ELMO2: variants seen among roughly 807,000 people sequenced by gnomAD.
ELMO2 encodes the protein engulfment and cell motility protein 2.
ELMO2 carries 37 observed loss-of-function variants against 96.2 expected under a neutral mutation model. That is an observed-to-expected ratio of 0.38 (90% CI 0.30 to 0.51). ELMO2 has a LOEUF of 0.51. ELMO2 is among the 20% of genes least tolerant of loss of function. The pLI is 0.88. For missense variants in ELMO2, 561 were observed against 912.6 expected (o/e 0.61, Z 4.96); for synonymous variants, 315 against 329.4 (o/e 0.96, Z 0.47).
In ELMO2 at chr20:46,374,210, G is replaced by C. The variant is rs920812401; in HGVS notation, c.1279+122C>G. Reference sequence around the variant, plus strand: ...TCCTGCCTCAGTCTCCCAAAGTGCTGAGATTACAGGTGTGAACCACCACGC... The same window carrying C: ...TCCTGCCTCAGTCTCCCAAAGTGCTCAGATTACAGGTGTGAACCACCACGC... On this transcript the variant is annotated intron_variant, in intron 15 of 21. Coordinates refer to ENST00000290246, the MANE Select transcript of ELMO2 (RefSeq NM_133171.5). 21 of 655,574 alleles carry C rather than the reference G, an allele frequency of 3.2e-5. No homozygotes were observed. In the African/African-American group the frequency reaches 3.5e-4, roughly 11 times the overall value. 40.6% of individuals were successfully genotyped at this position (655,574 alleles called of 1,614,324 possible). A position where few individuals can be genotyped will look rare whatever the true frequency, so the allele number is the denominator to read the frequency against.
rs1433907729 is a variant in ELMO2, at chr20:46,371,951, C to G, written c.1435G>C (p.Glu479Gln). 3 of 1,613,942 alleles carry G rather than the reference C, an allele frequency of 1.9e-6. No homozygotes were observed. The highest frequency in any genetic ancestry group is 1.7e-6 in the Non-Finnish European group (2 of 1,180,040). ...DFNKVMQVVR[E>Q]QITRALPSKP... ...GAGGGCAAAGCTCGAGTGATTTGCTCTCGGACGACTTGCATAACCTAAGAG... is the reference window on the plus strand; with the variant it reads ...GAGGGCAAAGCTCGAGTGATTTGCTGTCGGACGACTTGCATAACCTAAGAG... The change falls in exon 17 of 22, where the codon GAG (glutamate) becomes CAG (glutamine). Residue 479 changes from glutamate to glutamine, a missense_variant. Transcript: ENST00000290246. This position sits in a 1 kb window ranked among gnomAD's most constrained non-coding sequence, Gnocchi z 5.9.
chr20:46,405,398 A>G lies in ELMO2; in HGVS notation c.-126+1150T>C, dbSNP rs187666590. ...AATACTAAATAAAAGGCCCCAAGGA[A>G]GGCAGGAGCTTGGGATGTAGAAGGA... On this transcript the variant is annotated intron_variant, in intron 1 of 21. Coordinates refer to ENST00000290246, the MANE Select transcript of ELMO2 (RefSeq NM_133171.5). Among the ~76,000 whole-genome samples the G allele has an allele frequency of 1.4e-3, 219 of 152,256 alleles. 1 individual carries two copies. The highest frequency in any genetic ancestry group is 2.7e-3 in the Non-Finnish European group (184 of 68,022).
intron 8 of ELMO2, 48 bp downstream of exon 8, chr20:46,387,290 A>C (rs761243142): frequency 1.4e-5 from 21 of 1,536,324 alleles, no homozygotes; most frequent in Non-Finnish European, 1.7e-5. Flanking sequence ...AAGCCTTGTG[A>C]ACTGGCAGCT....
rs539874774 is a variant in ELMO2, at chr20:46,373,616, A to G, written c.1280-81T>C. Reference sequence around the variant, plus strand: ...AGCTCATGTCTGGAAACTTTGCACCAAAGTCCCGAGGAACAAAAGCAGCCT... The same window carrying G: ...AGCTCATGTCTGGAAACTTTGCACCGAAGTCCCGAGGAACAAAAGCAGCCT... On this transcript the variant is annotated intron_variant, in intron 15 of 21. Coordinates refer to ENST00000290246, the MANE Select transcript of ELMO2 (RefSeq NM_133171.5). 3.8e-6 allele frequency: 6 copies of G among 1,562,636 alleles called. No homozygotes were observed. The African/African-American group carries it at 5.5e-5, about 14-fold the overall frequency.
At chr20:46,403,199 AAG>A (rs1400311656) in intron 1 of ELMO2, among the ~76,000 whole-genome samples, 1 of 152,238 alleles carries the variant, frequency 6.6e-6, no homozygotes, top group Non-Finnish European at 1.5e-5. Flanking sequence ...TTGACAAAAT[AAG>A]AGAGCATATG....
At position 46,375,838 on chromosome 20, in the gene ELMO2, A is replaced by T; in HGVS notation, c.808-48T>A. Reference sequence around the variant, plus strand: ...GCAGGGGACTGAACTGATCTCTTTTAATGAAGGGCCACATCCATGCTAAGG... The same window carrying T: ...GCAGGGGACTGAACTGATCTCTTTTTATGAAGGGCCACATCCATGCTAAGG... On this transcript the variant is annotated intron_variant, in intron 11 of 21. Transcript: ENST00000290246. The surrounding 1 kb of genome is among the most constrained non-coding windows in gnomAD (Gnocchi z 4.6). 1 of 1,610,058 alleles carries T rather than the reference A, an allele frequency of 6.2e-7. No homozygotes were observed. Among genetic ancestry groups the T allele is most frequent in the Non-Finnish European group, 8.5e-7 (1 of 1,177,418 alleles).
In ELMO2 at chr20:46,375,934, G is replaced by A. The variant is rs1444530311; in HGVS notation, c.808-144C>T. The A allele has an allele frequency of 4.3e-6, 5 of 1,158,118 alleles. No individual in the cohort carries two copies. Among genetic ancestry groups the A allele is most frequent in the Non-Finnish European group, 6.0e-6 (5 of 835,968 alleles). The allele number at this position is 1,158,118 out of a possible 1,614,324, so 71.7% of individuals were successfully genotyped here. On this transcript the variant is annotated intron_variant, in intron 11 of 21. Coordinates refer to ENST00000290246, the MANE Select transcript of ELMO2 (RefSeq NM_133171.5). The surrounding 1 kb of genome is among the most constrained non-coding windows in gnomAD (Gnocchi z 4.6). ...ACGAGGACTTCATATTCTAGAAGGC[G>A]ATGGAGCATGAATGGGCTTGGTTCA... is the stretch of plus-strand genomic sequence containing the variant.
At chr20:46,384,510 CATCCCTAGGGAGGCAA>C (rs1313539725) in intron 9 of ELMO2, among the ~76,000 whole-genome samples, 1 of 151,272 alleles carries the variant, frequency 6.6e-6, no homozygotes, top group Non-Finnish European at 1.5e-5. Context: ...GTTCCCCTAT[CATCCCTAGGGAGGCAA>C]CTGGGGCCAC....
At chr20:46,370,963 T>C (rs922811820) in intron 19 of ELMO2, among the ~76,000 whole-genome samples, 56 of 152,182 alleles carry the variant, frequency 3.7e-4, no homozygotes, top group Non-Finnish European at 2.1e-4. Flanking sequence ...AGGAGGAAAG[T>C]GTGGCTATTA....
At chr20:46,369,640 C>T (rs1052615689) in intron 20 of ELMO2, 1 of 153,746 alleles carries the variant, frequency 6.5e-6, no homozygotes, top group Admixed American at 6.5e-5. Context: ...AAGGAGAGAC[C>T]ACCAGACGTT....
At chr20:46,373,226 G>A in intron 16 of ELMO2, 173 bp downstream of exon 16, 1 of 787,658 alleles carries the variant, frequency 1.3e-6, no homozygotes, top group South Asian at 2.0e-5. Context: ...AGGTCACAGA[G>A]GGAGCAACAA....
intron 3 of ELMO2, 133 bp downstream of exon 3, chr20:46,394,272 G>A (rs899551522): frequency 8.3e-7 from 1 of 1,201,600 alleles, no homozygotes; most frequent in Non-Finnish European, 1.2e-6. Context: ...GGGTGGGCCA[G>A]GCCCAAAGCT....
chr20:46,399,931 G>A (rs1242175233), intron 1 of ELMO2, among the ~76,000 whole-genome samples: 1 of 152,200 alleles, frequency 6.6e-6, no homozygotes, highest in Admixed American at 6.5e-5. Flanking sequence ...GGGAGGTCAA[G>A]GCAGGAGGAT....
chr20:46,406,208 C>A (rs578151380), intron 1 of ELMO2, among the ~76,000 whole-genome samples: 29 of 152,030 alleles, frequency 1.9e-4, no homozygotes, highest in Non-Finnish European at 3.8e-4. Flanking sequence ...GCCGCCCCTC[C>A]CCGATCTTCC....
Position 46,373,546 on chromosome 20 carries a change from G to GA in ELMO2, c.1280-12dup. 6.2e-7 allele frequency: 1 copy of GA among 1,611,436 alleles called. No individual in the cohort carries two copies. On this transcript the variant is annotated splice_polypyrimidine_tract_variant and intron_variant, in intron 15 of 21. Coordinates refer to ENST00000290246, the MANE Select transcript of ELMO2 (RefSeq NM_133171.5). ...TGCGTCCTTCATTTGCTGTGGAAGT[G>GA]AAAAAACAGGGAGAAGATGAAGCCT...
chr20:46,389,945 G>C (rs2060122100), intron 6 of ELMO2, among the ~76,000 whole-genome samples: 1 of 152,064 alleles, frequency 6.6e-6, no homozygotes, highest in African/African-American at 2.4e-5. Flanking sequence ...ACGAGGTCAG[G>C]AGTTCGAGAC....
At position 46,371,457 on chromosome 20, in the gene ELMO2, G is replaced by A. The variant is rs1295726035; in HGVS notation, c.1696C>T (p.Arg566Trp). Residue 566 changes from arginine to tryptophan, a missense_variant and splice_region_variant, in exon 19 of 22, where the codon CGG (arginine) becomes TGG (tryptophan). Transcript: ENST00000290246. The surrounding 1 kb of genome is among the most constrained non-coding windows in gnomAD (Gnocchi z 5.9). ...RKIGNRRRQE[R>W]FWYCRLALNH... ...AGTGCCAACCGGCAGTACCAGAACC[G>A]TTCTGGAACACAAGGGAAGCCAAAC... 7.4e-6 allele frequency: 12 copies of A among 1,614,240 alleles called. No homozygotes were observed. Among genetic ancestry groups the A allele is most frequent in the Non-Finnish European group, 1.0e-5 (12 of 1,180,030 alleles).
Position 46,368,432 on chromosome 20 carries a change from G to A in ELMO2, c.1962+459C>T, listed in dbSNP as rs980850272. Among the ~76,000 whole-genome samples the A allele has an allele frequency of 2.6e-5, 4 of 152,238 alleles. No homozygotes were observed. In the East Asian group the frequency reaches 7.7e-4, roughly 29 times the overall value. ...ACATGTGACCAGGAGCCCCTAGGAG[G>A]AAGGATCTGTCAAGTTCTCTTGGGT... On this transcript the variant is annotated intron_variant, in intron 21 of 21. Transcript: ENST00000290246.
At position 46,374,380 on chromosome 20, in the gene ELMO2, T is replaced by C. The variant is rs1483950683; in HGVS notation, c.1231A>G (p.Ile411Val). Residue 411 changes from isoleucine (I) to valine (V), a missense_variant, in exon 15 of 22, where the codon ATT becomes GTT. Transcript: ENST00000290246. ...KHECPFGRSA[I>V]ELTKMLCEIL... The stretch of plus-strand genomic sequence containing the variant: ...TCACAGAGCATTTTGGTGAGCTCAA[T>C]GGCACTGCGGCCAAAGGGGCATTCA... 27 of 1,614,064 alleles carry C rather than the reference T, an allele frequency of 1.7e-5. No homozygotes were observed. In the East Asian group the frequency reaches 5.3e-4, roughly 32 times the overall value.
Sources: gnomAD v4.1 joint callset for allele counts (sites outside exome capture counted in the v4.1 genomes callset) on GRCh38, gnomAD v4.1.1 for gene constraint, Gnocchi (gnomAD v3.1) non-coding constraint, MANE v1.5 for transcripts, NCBI Gene and HGNC (gene_info 2026-07-23, HGNC 2026-07-21) for gene names.